TECTA: variants seen among roughly 807,000 people sequenced by gnomAD.
TECTA encodes alpha-tectorin.
A neutral mutation model predicts 216.8 loss-of-function variants in TECTA; 128 were observed. That is an observed-to-expected ratio of 0.59 (90% CI 0.51 to 0.68). TECTA has a LOEUF of 0.68. Ranked by LOEUF, TECTA falls within the 30% of genes least tolerant of loss-of-function variation. The pLI, the probability that TECTA is intolerant of heterozygous loss-of-function variation, is 0.00. For synonymous variants in TECTA, 1,089 were observed against 1,117.1 expected, an observed-to-expected ratio of 0.97 and a Z score of 0.50; for missense variants, 2,551 against 2,786.2, an observed-to-expected ratio of 0.92 and a Z score of 1.90.
chr11:121,138,318 G>A (rs986828087), intron 11 of TECTA, among the ~76,000 whole-genome samples: 1 of 152,194 alleles, frequency 6.6e-6, no homozygotes, highest in Non-Finnish European at 1.5e-5. Context: ...CACAGACCGA[G>A]GTTAGCATCC....
At chr11:121,136,371 G>C (rs1480528025) in intron 10 of TECTA, among the ~76,000 whole-genome samples, 1 of 152,098 alleles carries the variant, frequency 6.6e-6, no homozygotes, top group Non-Finnish European at 1.5e-5. Flanking sequence ...CCAGGAAGGG[G>C]AAAGCGCATG....
intron 14 of TECTA, among the ~76,000 whole-genome samples, chr11:121,159,779 A>G (rs1946979786): frequency 6.6e-6 from 1 of 152,206 alleles, no homozygotes; most frequent in Admixed American, 6.5e-5. Flanking sequence ...ATTGTGGGTT[A>G]TACTTTTCTA....
chr11:121,162,486 C>G, intron 16 of TECTA, 116 bp downstream of exon 16: 2 of 1,340,360 alleles, frequency 1.5e-6, no homozygotes, highest in Non-Finnish European at 2.1e-6. Context: ...CATAGATCTG[C>G]TTCCAGGATT....
chr11:121,165,400 A>G lies in TECTA; in HGVS notation c.5383+17A>G, dbSNP rs1344543285. The G allele has an allele frequency of 1.3e-6, 2 of 1,557,894 alleles. No individual in the cohort carries two copies. Among genetic ancestry groups the G allele is most frequent in the East Asian group, 4.8e-5 (2 of 41,912 alleles). On this transcript the variant is annotated intron_variant, in intron 17 of 23. Transcript: ENST00000392793. The stretch of plus-strand genomic sequence containing the variant: ...ATGGAAATAGTGAGTGACATGGGCC[A>G]CCTCCCCACCCAGAAAGGCCCCATG...
In TECTA at chr11:121,113,245, C is replaced by T. The variant is rs762306266; in HGVS notation, c.624+36C>T. 1.4e-5 allele frequency: 23 copies of T among 1,613,204 alleles called. No individual in the cohort carries two copies. The highest frequency in any genetic ancestry group is 5.0e-5 in the Admixed American group (3 of 60,002). On this transcript the variant is annotated intron_variant, in intron 5 of 23. Coordinates refer to ENST00000392793, the MANE Select transcript of TECTA (RefSeq NM_005422.4). This position sits in a 1 kb window ranked among gnomAD's most constrained non-coding sequence, Gnocchi z 4.2. ...CTCCACTTCATCCCCCGCGTGTTTC[C>T]GTCGCTGCACTCTCTGCTTCTGTGG...
intron 16 of TECTA, 52 bp downstream of exon 16, chr11:121,162,422 C>A: frequency 6.3e-7 from 1 of 1,578,670 alleles, no homozygotes; most frequent in Non-Finnish European, 8.6e-7. Flanking sequence ...AAAAGAACAG[C>A]TTTGCTGGTA....
rs962337172 is a variant in TECTA, at chr11:121,162,069, G to C, written c.4977-6G>C. The C allele has an allele frequency of 6.2e-7, 1 of 1,613,676 alleles. No individual in the cohort carries two copies. Among genetic ancestry groups the C allele is most frequent in the African/African-American group, 1.3e-5 (1 of 74,924 alleles). On this transcript the variant is annotated splice_polypyrimidine_tract_variant and splice_region_variant and intron_variant, in intron 15 of 23. Coordinates refer to ENST00000392793, the MANE Select transcript of TECTA (RefSeq NM_005422.4). ...TGGCTGTTTTTGCTTCACTCAGTCT[G>C]ACCAGACCTCTTGCCCCCAGCTGCA...
At chr11:121,168,404 T>C in intron 19 of TECTA, 187 bp downstream of exon 19, 1 of 912,130 alleles carries the variant, frequency 1.1e-6, no homozygotes, top group Non-Finnish European at 1.7e-6. Context: ...ATATTCCATC[T>C]GTACTGTTTA....
In TECTA at chr11:121,190,783, TATA is replaced by T; in HGVS notation, c.6447_6449del (p.Tyr2149_Lys2150delinsTer). 6.2e-7 allele frequency: 1 copy of T among 1,613,490 alleles called. No homozygotes were observed. The highest frequency in any genetic ancestry group is 8.5e-7 in the Non-Finnish European group (1 of 1,179,668). Reference sequence around the variant, plus strand: ...CCAGATTTCATTATGGCATTTTGTCTATAAATCAGGCACGACCTCATAATTAAC... The same window carrying T: ...CCAGATTTCATTATGGCATTTTGTCTAATCAGGCACGACCTCATAATTAAC... On this transcript the variant is annotated stop_gained and inframe_deletion, in exon 24 of 24. Coordinates refer to ENST00000392793, the MANE Select transcript of TECTA (RefSeq NM_005422.4). LOFTEE classifies it high-confidence loss of function.
chr11:121,137,601 A>G lies in TECTA; in HGVS notation c.3122A>G (p.Glu1041Gly). The change falls in exon 11 of 24, where the codon GAG becomes GGG. Residue 1041 changes from glutamate to glycine, a missense_variant. By Grantham distance (98) the Glu-to-Gly change is moderately conservative. Coordinates refer to ENST00000392793, the MANE Select transcript of TECTA (RefSeq NM_005422.4). The part of the protein sequence containing the change: ...VTRSECGCNF[E>G]GHQLATNETF... ...CGGAGTGAGTGTGGCTGCAACTTTGAGGGGCACCAACTTGCCACCAATGAG... is the reference window on the plus strand; with the variant it reads ...CGGAGTGAGTGTGGCTGCAACTTTGGGGGGCACCAACTTGCCACCAATGAG... 6.2e-7 allele frequency: 1 copy of G among 1,613,592 alleles called. No homozygotes were observed.
rs1565542277 is a variant in TECTA, at chr11:121,189,157, T to C, written c.6240T>C (p.Ile2080=). 1.2e-6 allele frequency: 2 copies of C among 1,614,090 alleles called. No homozygotes were observed. The highest frequency in any genetic ancestry group is 8.5e-7 in the Non-Finnish European group (1 of 1,179,962). The part of the protein sequence containing the change: ...PKEQIISVGP[I]RRKRLDWCED... Reference sequence around the variant, plus strand: ...AACAGATCATTTCAGTGGGACCTATTAGGAGAAAAAGTATGTATGTTCCCT... The same window carrying C: ...AACAGATCATTTCAGTGGGACCTATCAGGAGAAAAAGTATGTATGTTCCCT... The change falls in exon 22 of 24, where the codon ATT becomes ATC. Residue 2080 remains isoleucine (I), a synonymous_variant. Coordinates refer to ENST00000392793, the MANE Select transcript of TECTA (RefSeq NM_005422.4).
intron 23 of TECTA, among the ~76,000 whole-genome samples, chr11:121,190,369 A>C (rs1947329463): frequency 6.6e-6 from 1 of 152,052 alleles, no homozygotes; most frequent in South Asian, 2.1e-4. Context: ...GGTTCAAGCG[A>C]TTCTCCTGCC....
chr11:121,147,095 A>G (rs1372172996), intron 12 of TECTA, among the ~76,000 whole-genome samples: 1 of 152,144 alleles, frequency 6.6e-6, no homozygotes, highest in Admixed American at 6.5e-5. Context: ...TGGGGGGGAA[A>G]CACTGTTGGT....
At position 121,125,555 on chromosome 11, in the gene TECTA, T is replaced by A; in HGVS notation, c.1457T>A (p.Leu486Gln). The change falls in exon 8 of 24, where the codon CTG (leucine) becomes CAG (glutamine). Residue 486 changes from leucine (L) to glutamine (Q), a missense_variant. This residue lies in a region of TECTA where 2,375 missense variants were observed against 2,563.9 expected (regional missense o/e 0.93). Coordinates refer to ENST00000392793, the MANE Select transcript of TECTA (RefSeq NM_005422.4). The stretch of plus-strand genomic sequence containing the variant: ...AGGCCGGCCATGTCTGTCCTGGATC[T>A]GGGAGAGAGCTGGCGTGTGTACCAC... ...DGRPAMSVLDLGESWRVYHAD... is the reference protein window; with the variant it reads ...DGRPAMSVLDQGESWRVYHAD... The A allele has an allele frequency of 1.9e-6, 3 of 1,614,156 alleles. No individual in the cohort carries two copies. The highest frequency in any genetic ancestry group is 1.7e-6 in the Non-Finnish European group (2 of 1,180,038).
rs141717375 is a variant in TECTA, at chr11:121,145,862, G to A, written c.3851G>A (p.Arg1284His). ...TTCTGCCAGGTGGGCTGTGGGGACC[G>A]CTGTCCGTCCTGTGCCAAGGTGGAA... ...DTFCQVGCGDRCPSCAKVEGF... is the reference protein window; with the variant it reads ...DTFCQVGCGDHCPSCAKVEGF... Residue 1284 changes from arginine (R) to histidine (H), a missense_variant, in exon 12 of 24, where the codon CGC becomes CAC. By Grantham distance (29) the Arg-to-His change is conservative. Around this residue, in one of 3 missense-constraint regions of TECTA, gnomAD observed 2,375 missense variants for 2,563.9 expected, o/e 0.93. Transcript: ENST00000392793. 145 of 1,614,146 alleles carry A rather than the reference G, an allele frequency of 9.0e-5. No individual in the cohort carries two copies. The highest frequency in any genetic ancestry group is 1.7e-4 in the Admixed American group (10 of 60,016).
intron 12 of TECTA, among the ~76,000 whole-genome samples, chr11:121,149,818 T>C (rs1946872625): frequency 6.6e-6 from 1 of 152,226 alleles, no homozygotes; most frequent in African/African-American, 2.4e-5. Flanking sequence ...GCCACAGCTC[T>C]CAGTACATCA....
At chr11:121,131,200 C>T (rs190405512) in intron 10 of TECTA, among the ~76,000 whole-genome samples, 30 of 97,152 alleles carry the variant, frequency 3.1e-4, no homozygotes, top group Non-Finnish European at 4.7e-4. Context: ...GGCGACAGAG[C>T]AAGACTCCAT....
intron 12 of TECTA, among the ~76,000 whole-genome samples, chr11:121,148,512 G>T (rs1946861254): frequency 6.6e-6 from 1 of 152,206 alleles, no homozygotes; most frequent in South Asian, 2.1e-4. Flanking sequence ...AAAAGCTTCA[G>T]GAGACTGAGT....
chr11:121,148,579 C>T (rs10892677), intron 12 of TECTA, among the ~76,000 whole-genome samples: 32,421 of 151,970 alleles, frequency 0.21, 3,914 homozygotes, highest in Non-Finnish European at 0.27. Context: ...TCTGATGTGA[C>T]TCCCCATCAT....
Sources: allele counts gnomAD v4.1 joint callset (sites outside exome capture counted in the v4.1 genomes callset), GRCh38; gene constraint gnomAD v4.1.1; regional missense constraint gnomAD v4.1.1; non-coding constraint Gnocchi (gnomAD v3.1); transcripts MANE v1.5; gene names NCBI Gene and HGNC (gene_info 2026-07-23, HGNC 2026-07-21).